Variants in VWF observed in about 807,000 individuals in gnomAD.
VWF encodes Factor VIII related antigen.
Under a neutral mutation model 308.6 loss-of-function variants are expected in VWF, and 176 were observed. That is an observed-to-expected ratio of 0.57 (90% CI 0.50 to 0.65). The LOEUF (loss-of-function observed/expected upper bound fraction) is 0.65, where lower values mean the gene tolerates loss of function less well. Among genes scored for constraint, VWF ranks in the 30% least tolerant of loss-of-function variants. The pLI, the probability that VWF is intolerant of heterozygous loss-of-function variation, is 0.00. For synonymous variants in VWF, 1,385 were observed against 1,443.4 expected, an observed-to-expected ratio of 0.96 and a Z score of 0.92; for missense variants, 3,146 against 3,648.2, an observed-to-expected ratio of 0.86 and a Z score of 3.55.
At chr12:5,977,115 G>C (rs1307029583) in intron 42 of VWF, among the ~76,000 whole-genome samples, 1 of 152,168 alleles carries the variant, frequency 6.6e-6, no homozygotes, top group Non-Finnish European at 1.5e-5. Flanking sequence ...GAGACCCCTT[G>C]TTCTATTAAA....
chr12:6,087,499 C>T (rs964426491), intron 6 of VWF, among the ~76,000 whole-genome samples: 2 of 147,488 alleles, frequency 1.4e-5, no homozygotes, highest in East Asian at 2.2e-4. Context: ...GCTGGGACTA[C>T]AGGCGCCCGC....
In VWF at chr12:6,114,502, T is replaced by C. The variant is rs182336289; in HGVS notation, c.221-3534A>G. On this transcript the variant is annotated intron_variant, in intron 3 of 51. Coordinates refer to ENST00000261405, the MANE Select transcript of VWF (RefSeq NM_000552.5). ...ACAGGAGAGAACCAGGAGAAGTGTA[T>C]GGGAGAGAAGGAGAGCCCCAGCCCT... Among the ~76,000 whole-genome samples, 370 of 152,006 alleles carry C rather than the reference T, an allele frequency of 2.4e-3. 4 individuals are homozygous for C. Among genetic ancestry groups the C allele is most frequent in the African/African-American group, 8.3e-3 (343 of 41,468 alleles).
At chr12:5,990,254 T>A (rs547078731) in intron 38 of VWF, among the ~76,000 whole-genome samples, 7 of 152,208 alleles carry the variant, frequency 4.6e-5, no homozygotes, top group Non-Finnish European at 1.0e-4. Context: ...GTGAGGTCAA[T>A]GGCAGGGCTA....
At chr12:5,996,935 G>A (rs1274446608) in intron 34 of VWF, among the ~76,000 whole-genome samples, 1 of 151,548 alleles carries the variant, frequency 6.6e-6, no homozygotes, top group African/African-American at 2.4e-5. Flanking sequence ...CACCATAAAT[G>A]ATTTGAAAGC....
At position 6,018,669 on chromosome 12, in the gene VWF, C is replaced by G. The variant is rs1378510576; in HGVS notation, c.4749G>C (p.Arg1583=). ...CCAAGAAGCTGTGGTCAGAGAGGTA[C>G]CGCAGGGCCAGCCCAGTGTTGGTCC... ...GNRTNTGLAL[R]YLSDHSFLVS... is the part of the protein sequence containing the mutation. The change falls in exon 28 of 52, where the codon CGG becomes CGC. Residue 1583 remains arginine, a synonymous_variant. Transcript: ENST00000261405. 6.2e-7 allele frequency: 1 copy of G among 1,613,706 alleles called. No individual in the cohort carries two copies. The highest frequency in any genetic ancestry group is 2.2e-5 in the East Asian group (1 of 44,862).
Position 6,011,640 on chromosome 12 carries a change from C to G in VWF, c.5819G>C (p.Cys1940Ser). 1 of 1,612,032 alleles carries G rather than the reference C, an allele frequency of 6.2e-7. No homozygotes were observed. ...SQSPVKVEET[C>S]GCRWTCPCVC... Reference sequence around the variant, plus strand: ...ACAGGGGCAGGTCCAGCGGCAGCCACAGGTCTCTTCCACTTTAACAGGGGA... The same window carrying G: ...ACAGGGGCAGGTCCAGCGGCAGCCAGAGGTCTCTTCCACTTTAACAGGGGA... The change falls in exon 34 of 52, where the codon TGT becomes TCT. Residue 1940 changes from cysteine to serine, a missense_variant. Cys to Ser is a moderately radical substitution (Grantham distance 112, BLOSUM62 -1). Around this residue, in one of 3 missense-constraint regions of VWF, gnomAD observed 853 missense variants for 1,177.8 expected, o/e 0.72. Coordinates refer to ENST00000261405, the MANE Select transcript of VWF (RefSeq NM_000552.5).
chr12:5,976,008 T>C lies in VWF; in HGVS notation c.7437+103A>G, dbSNP rs924112261. 98 of 1,465,346 alleles carry C rather than the reference T, an allele frequency of 6.7e-5. No individual in the cohort carries two copies. The African/African-American group carries it at 1.3e-3, about 19-fold the overall frequency. The allele number at this position is 1,465,346 out of a possible 1,614,324, so 90.8% of individuals were successfully genotyped here. A position where few individuals can be genotyped will look rare whatever the true frequency, so the allele number is the denominator to read the frequency against. On this transcript the variant is annotated intron_variant, in intron 43 of 51. Transcript: ENST00000261405. The stretch of plus-strand genomic sequence containing the variant: ...TCCAGCCTGGGCGACAGAGCGAGTC[T>C]CCATTTCAAAAAAAAAAGAACCTTT...
intron 47 of VWF, among the ~76,000 whole-genome samples, chr12:5,964,876 GA>G (rs1365244282): frequency 6.6e-6 from 1 of 152,190 alleles, no homozygotes; most frequent in Admixed American, 6.5e-5. Flanking sequence ...AAAATAAGCC[GA>G]AGGGGGCAAC....
At chr12:5,980,040 C>CAA (rs746870090) in intron 42 of VWF, among the ~76,000 whole-genome samples, 2 of 69,938 alleles carry the variant, frequency 2.9e-5, no homozygotes, top group African/African-American at 5.8e-5. Context: ...GACTCCATCT[C>CAA]AAAAAAAAAA....
chr12:6,026,736 T>C (rs1228595106), intron 22 of VWF, among the ~76,000 whole-genome samples: 2 of 152,216 alleles, frequency 1.3e-5, no homozygotes, highest in African/African-American at 2.4e-5. Context: ...GTTTATTGTA[T>C]ATTTTCAAGT....
intron 6 of VWF, among the ~76,000 whole-genome samples, chr12:6,083,962 C>G (rs1208195976): frequency 6.6e-6 from 1 of 152,230 alleles, no homozygotes; most frequent in African/African-American, 2.4e-5. Flanking sequence ...GAAGCCCCCA[C>G]TGGGGACAAC....
intron 6 of VWF, among the ~76,000 whole-genome samples, chr12:6,082,036 G>C (rs1223504361): frequency 6.6e-6 from 1 of 151,104 alleles, no homozygotes; most frequent in African/African-American, 2.4e-5. Context: ...GCACAATCTC[G>C]GCTCACTGCA....
intron 10 of VWF, among the ~76,000 whole-genome samples, chr12:6,066,296 C>G (rs1222286233): frequency 6.6e-6 from 1 of 152,248 alleles, no homozygotes; most frequent in Non-Finnish European, 1.5e-5. Context: ...TCTTCAGGGC[C>G]AAACATGGAC....
chr12:6,018,275 C>A lies in VWF; in HGVS notation c.5053+90G>T, dbSNP rs537497528. ...CAGACCAGGGAAGCCAGGATTAGAA[C>A]CCGAGTCGTATCTTGGCAGATGCAT... is the stretch of plus-strand genomic sequence containing the variant. On this transcript the variant is annotated intron_variant, in intron 28 of 51. Transcript: ENST00000261405. 3.3e-5 allele frequency: 50 copies of A among 1,495,146 alleles called. No individual in the cohort carries two copies. The South Asian group carries it at 5.6e-4, about 17-fold the overall frequency. The allele number at this position is 1,495,146 out of a possible 1,614,324, so 92.6% of individuals were successfully genotyped here. A position where few individuals can be genotyped will look rare whatever the true frequency, so the allele number is the denominator to read the frequency against.
At chr12:5,991,298 A>G (rs1198809813) in intron 38 of VWF, among the ~76,000 whole-genome samples, 1 of 152,154 alleles carries the variant, frequency 6.6e-6, no homozygotes, top group East Asian at 1.9e-4. Flanking sequence ...TAAAAAGACT[A>G]AAGAGTTCTG....
rs183253283 is a variant in VWF at position 6,080,320 on chromosome 12, T to G, written c.658-4769A>C. ...AGACAGGAGTAAGTCATGCCTTTCATGCCCTCCAGCTCTTAACTGGCATTC... is the reference window on the plus strand; with the variant it reads ...AGACAGGAGTAAGTCATGCCTTTCAGGCCCTCCAGCTCTTAACTGGCATTC... On this transcript the variant is annotated intron_variant, in intron 6 of 51. Coordinates refer to ENST00000261405, the MANE Select transcript of VWF (RefSeq NM_000552.5). Among the ~76,000 whole-genome samples, 7 of 152,394 alleles carry G rather than the reference T, an allele frequency of 4.6e-5. No individual in the cohort carries two copies. The East Asian group carries it at 1.3e-3, about 29-fold the overall frequency.
rs1944116400 is a variant in VWF at position 6,020,373 on chromosome 12, G to T, written c.3675-630C>A. On this transcript the variant is annotated intron_variant, in intron 27 of 51. Coordinates refer to ENST00000261405, the MANE Select transcript of VWF (RefSeq NM_000552.5). This position sits in a 1 kb window ranked among gnomAD's most constrained non-coding sequence, Gnocchi z 4.3. Reference sequence around the variant, plus strand: ...AATTATTTGGGAGTAGCAGACAGGGGTCTCCACGGTGTCAGGCCTAGGAAA... The same window carrying T: ...AATTATTTGGGAGTAGCAGACAGGGTTCTCCACGGTGTCAGGCCTAGGAAA... 6.6e-6 allele frequency among the ~76,000 whole-genome samples: 1 copy of T among 152,232 alleles called. No individual in the cohort carries two copies.
intron 6 of VWF, among the ~76,000 whole-genome samples, chr12:6,076,845 G>A (rs772176057): frequency 4.6e-5 from 7 of 152,170 alleles, no homozygotes; most frequent in Non-Finnish European, 7.3e-5. Flanking sequence ...CCTGTTTTGC[G>A]GCGCCACAGA....
At chr12:6,005,873 T>A (rs760230897) in intron 34 of VWF, among the ~76,000 whole-genome samples, 2 of 152,180 alleles carry the variant, frequency 1.3e-5, no homozygotes, top group African/African-American at 4.8e-5. Flanking sequence ...AGGGAGTCCA[T>A]CATGTTGAAA....
Sources: gnomAD v4.1 joint callset for allele counts (sites outside exome capture counted in the v4.1 genomes callset) on GRCh38, gnomAD v4.1.1 for gene constraint, gnomAD v4.1.1 regional missense constraint, Gnocchi (gnomAD v3.1) non-coding constraint, MANE v1.5 for transcripts, NCBI Gene and HGNC (gene_info 2026-07-23, HGNC 2026-07-21) for gene names.